The following FAM222A variants were observed in gnomAD, a reference collection of about 807,000 sequenced individuals.
FAM222A encodes protein FAM222A.
Under a neutral mutation model 25.8 loss-of-function variants are expected in FAM222A, and 7 were observed. The observed-to-expected ratio is 0.27, with a 90% CI of 0.15 to 0.51. FAM222A has a LOEUF of 0.51. FAM222A is among the 20% of genes least tolerant of loss of function. The pLI, the probability that FAM222A is intolerant of heterozygous loss-of-function variation, is 0.97. For missense variants in FAM222A, 573 were observed against 640.5 expected, an observed-to-expected ratio of 0.89 and a Z score of 1.14; for synonymous variants, 294 against 298.8, an observed-to-expected ratio of 0.98 and a Z score of 0.17.
At chr12:109,719,774 GT>G (rs1339982573) in intron 1 of FAM222A, among the ~76,000 whole-genome samples, 9 of 152,122 alleles carry the variant, frequency 5.9e-5, no homozygotes, top group African/African-American at 2.2e-4. Flanking sequence ...TTAGGAGGGT[GT>G]GCAGGGGGCA....
At chr12:109,764,145 A>G (rs1888973551) in intron 2 of FAM222A, among the ~76,000 whole-genome samples, 1 of 140,710 alleles carries the variant, frequency 7.1e-6, no homozygotes, top group Non-Finnish European at 1.5e-5. Flanking sequence ...CAGGAGGATC[A>G]CTTGAGCCTG....
At chr12:109,744,264 G>A (rs140630972) in intron 2 of FAM222A, 36 bp downstream of exon 2, 19 of 1,591,292 alleles carry the variant, frequency 1.2e-5, no homozygotes, top group East Asian at 2.3e-5. Flanking sequence ...TGCAGGGCAG[G>A]TCGTGGGCAG....
chr12:109,739,778 A>G (rs1173933731), intron 1 of FAM222A, among the ~76,000 whole-genome samples: 1 of 152,198 alleles, frequency 6.6e-6, no homozygotes, highest in Non-Finnish European at 1.5e-5. Flanking sequence ...ACTGACTGGC[A>G]TTGGCATCCT....
chr12:109,720,969 A>C (rs151306230), intron 1 of FAM222A, among the ~76,000 whole-genome samples: 313 of 152,288 alleles, frequency 2.1e-3, no homozygotes, highest in African/African-American at 7.0e-3. Context: ...TGGAGTAGCC[A>C]GGGAGGGCTC....
chr12:109,765,447 G>A (rs1428566868), intron 2 of FAM222A, among the ~76,000 whole-genome samples: 1 of 152,222 alleles, frequency 6.6e-6, no homozygotes, highest in Non-Finnish European at 1.5e-5. Context: ...CTGCCCCGGT[G>A]CCTCTCTCCT....
intron 2 of FAM222A, among the ~76,000 whole-genome samples, chr12:109,748,330 C>CTTTTTTTTTTTTTTTTTTTTTTTTTTT (rs1410740242): frequency 2.5e-5 from 1 of 40,446 alleles, no homozygotes; most frequent in Non-Finnish European, 5.2e-5. Flanking sequence ...CTTTGGTTTT[C>CTTTTTTTTTTTTTTTTTTTTTTTTTTT]TTTCTTTTTT....
chr12:109,761,789 C>T (rs1888905219), intron 2 of FAM222A, among the ~76,000 whole-genome samples: 1 of 152,154 alleles, frequency 6.6e-6, no homozygotes, highest in Non-Finnish European at 1.5e-5. Context: ...GGCCCCTTTC[C>T]AGCCAGCAGC....
intron 1 of FAM222A, among the ~76,000 whole-genome samples, chr12:109,737,194 G>A (rs1020804333): frequency 6.6e-6 from 1 of 152,094 alleles, no homozygotes; most frequent in South Asian, 2.1e-4. Flanking sequence ...CTGCTCAAAA[G>A]TCCTTCCTGG....
At position 109,769,375 on chromosome 12, in the gene FAM222A, G is replaced by T. The variant is rs898089617; in HGVS notation, c.*87G>T. On this transcript the variant is annotated 3_prime_UTR_variant, in exon 3 of 3. Coordinates refer to ENST00000538780, the MANE Select transcript of FAM222A (RefSeq NM_032829.3). ...AACAGGGTGGGCGGCTCGCAGGGGC[G>T]CTCAGCCCCACCCTGTGCCTGCTGA... is the stretch of plus-strand genomic sequence containing the variant. 1 of 1,431,004 alleles carries T rather than the reference G, an allele frequency of 7.0e-7. No individual in the cohort carries two copies. Among genetic ancestry groups the T allele is most frequent in the Non-Finnish European group, 9.3e-7 (1 of 1,071,168 alleles). 88.6% of individuals were successfully genotyped at this position (1,431,004 alleles called of 1,614,324 possible). A position where few individuals can be genotyped will look rare whatever the true frequency, so the allele number is the denominator to read the frequency against.
At chr12:109,717,845 C>T (rs979528603) in intron 1 of FAM222A, among the ~76,000 whole-genome samples, 1 of 152,190 alleles carries the variant, frequency 6.6e-6, no homozygotes, top group Non-Finnish European at 1.5e-5. Context: ...CCTTCTGAGC[C>T]TTAGGGCTGC....
chr12:109,749,940 T>C (rs1158278900), intron 2 of FAM222A, among the ~76,000 whole-genome samples: 1 of 152,224 alleles, frequency 6.6e-6, no homozygotes, highest in Non-Finnish European at 1.5e-5. Context: ...CTTTCTGAAT[T>C]ACTTTGTTTA....
Position 109,760,596 on chromosome 12 carries a change from C to G in FAM222A, c.83-7416C>G, listed in dbSNP as rs181420519. Reference sequence around the variant, plus strand: ...TGCTTAAATGTGAACATTCTCTGGTCAGGACACACCCTCCCTGCCCACCTC... The same window carrying G: ...TGCTTAAATGTGAACATTCTCTGGTGAGGACACACCCTCCCTGCCCACCTC... On this transcript the variant is annotated intron_variant, in intron 2 of 2. Coordinates refer to ENST00000538780, the MANE Select transcript of FAM222A (RefSeq NM_032829.3). Among the ~76,000 whole-genome samples the G allele has an allele frequency of 6.4e-4, 87 of 136,092 alleles. 2 individuals carry two copies. The highest frequency in any genetic ancestry group is 2.2e-3 in the African/African-American group (87 of 38,740). The allele number at this position is 136,092 out of a possible 152,430, so 89.3% of individuals were successfully genotyped here.
chr12:109,730,360 C>T (rs1225608750), intron 1 of FAM222A, among the ~76,000 whole-genome samples: 1 of 136,140 alleles, frequency 7.3e-6, no homozygotes, highest in Non-Finnish European at 1.6e-5. Flanking sequence ...ATTCTGCAGG[C>T]GAGTGGCTGC....
intron 1 of FAM222A, among the ~76,000 whole-genome samples, chr12:109,717,316 TC>T (rs1288772196): frequency 2.6e-5 from 4 of 152,316 alleles, no homozygotes; most frequent in Admixed American, 2.6e-4. Context: ...AGCTTGAAAC[TC>T]GCTCCTTGTC....
At chr12:109,728,614 TACC>T (rs982452692) in intron 1 of FAM222A, among the ~76,000 whole-genome samples, 1 of 152,202 alleles carries the variant, frequency 6.6e-6, no homozygotes, top group Non-Finnish European at 1.5e-5. Flanking sequence ...CTGCCAGGTG[TACC>T]CTCACCATCT....
At chr12:109,740,207 A>G (rs1250815079) in intron 1 of FAM222A, among the ~76,000 whole-genome samples, 1 of 151,972 alleles carries the variant, frequency 6.6e-6, no homozygotes, top group African/African-American at 2.4e-5. Context: ...CATTTCCTTT[A>G]TCTAAATCCT....
At chr12:109,733,706 C>T (rs548808978) in intron 1 of FAM222A, among the ~76,000 whole-genome samples, 1 of 152,270 alleles carries the variant, frequency 6.6e-6, no homozygotes, top group East Asian at 1.9e-4. Context: ...GCCCGGCCCC[C>T]ATTATTACAT....
intron 2 of FAM222A, among the ~76,000 whole-genome samples, chr12:109,755,499 T>C (rs1888700398): frequency 6.6e-6 from 1 of 152,146 alleles, no homozygotes; most frequent in Non-Finnish European, 1.5e-5. Context: ...CAGCTAATTT[T>C]GTATTTTTAG....
intron 2 of FAM222A, among the ~76,000 whole-genome samples, chr12:109,749,011 A>G (rs1327992554): frequency 6.6e-6 from 1 of 152,100 alleles, no homozygotes; most frequent in Non-Finnish European, 1.5e-5. Flanking sequence ...TATTTTCATT[A>G]TTATTATTTT....
Sources: gnomAD v4.1 joint callset for allele counts (sites outside exome capture counted in the v4.1 genomes callset) on GRCh38, gnomAD v4.1.1 for gene constraint, MANE v1.5 for transcripts, NCBI Gene and HGNC (gene_info 2026-07-23, HGNC 2026-07-21) for gene names.